ENOX1: variants seen among roughly 807,000 people sequenced by gnomAD.
The protein encoded by ENOX1 is candidate growth-related and time keeping constitutive hydroquinone (NADH) oxidase.
Under a neutral mutation model 82.5 loss-of-function variants are expected in ENOX1, and 42 were observed. That is an observed-to-expected ratio of 0.51 (90% confidence interval 0.40 to 0.66). The LOEUF is 0.66. Ranked by LOEUF, ENOX1 falls within the 30% of genes least tolerant of loss-of-function variation. The probability of loss-of-function intolerance (pLI) is 0.00; values close to 1 mark genes in which losing one functional copy is unlikely to be tolerated. For missense variants in ENOX1, 608 were observed against 811.6 expected, an observed-to-expected ratio of 0.75 and a Z score of 3.05; for synonymous variants, 271 against 282.2, an observed-to-expected ratio of 0.96 and a Z score of 0.40.
At chr13:43,403,949 G>T (rs1306064790) in intron 5 of ENOX1, among the ~76,000 whole-genome samples, 1 of 152,214 alleles carries the variant, frequency 6.6e-6, no homozygotes, top group Non-Finnish European at 1.5e-5. Context: ...AGCATGTGTA[G>T]CGTCTATGGC....
At chr13:43,614,578 T>C (rs1425573610) in intron 2 of ENOX1, among the ~76,000 whole-genome samples, 1 of 147,136 alleles carries the variant, frequency 6.8e-6, no homozygotes, top group African/African-American at 2.5e-5. Flanking sequence ...TTACTTGTGT[T>C]CTCACTTTCT....
At chr13:43,562,619 A>T (rs562742435) in intron 2 of ENOX1, among the ~76,000 whole-genome samples, 1 of 152,104 alleles carries the variant, frequency 6.6e-6, no homozygotes, top group African/African-American at 2.4e-5. Context: ...TAAACAAAAA[A>T]CAAGCCCCAA....
chr13:43,677,100 T>C (rs2085546853), intron 1 of ENOX1, among the ~76,000 whole-genome samples: 1 of 151,902 alleles, frequency 6.6e-6, no homozygotes, highest in South Asian at 2.1e-4. Context: ...TCTGGACACA[T>C]CACTTTCCCA....
rs767736691 is a variant in ENOX1 at position 43,344,708 on chromosome 13, C to G, written c.866G>C (p.Trp289Ser). 5 of 1,614,156 alleles carry G rather than the reference C, an allele frequency of 3.1e-6. No homozygotes were observed. The highest frequency in any genetic ancestry group is 4.2e-6 in the Non-Finnish European group (5 of 1,180,030). The change falls in exon 9 of 17, where the codon TGG (tryptophan) becomes TCG (serine). Residue 289 changes from tryptophan (W) to serine (S), a missense_variant. By Grantham distance (177) the Trp-to-Ser change is radical. Transcript: ENST00000690772. ...FSEAITVLLS[W>S]IERGEVNRRS... is the part of the protein sequence containing the mutation. ...CCGATTCACTTCCCCTCGTTCAATC[C>G]AGGAAAGCAGCACTGTGATAGCCTC...
chr13:43,728,867 C>T (rs967252773), intron 1 of ENOX1, among the ~76,000 whole-genome samples: 7 of 152,178 alleles, frequency 4.6e-5, no homozygotes, highest in Non-Finnish European at 1.0e-4. Context: ...GAAATATTTT[C>T]TCTGAATTAC....
At chr13:43,215,735 G>C (rs554861831) in intron 16 of ENOX1, among the ~76,000 whole-genome samples, 30 of 152,162 alleles carry the variant, frequency 2.0e-4, no homozygotes, top group Admixed American at 3.9e-4. Flanking sequence ...GGTGCTGGGA[G>C]GTCTTTCTCA....
At chr13:43,567,585 T>C (rs1175956449) in intron 2 of ENOX1, among the ~76,000 whole-genome samples, 1 of 152,172 alleles carries the variant, frequency 6.6e-6, no homozygotes, top group African/African-American at 2.4e-5. Context: ...AATTAATTAA[T>C]CTTATATTTA....
At chr13:43,771,286 T>A (rs776986942) in intron 1 of ENOX1, among the ~76,000 whole-genome samples, 5 of 152,016 alleles carry the variant, frequency 3.3e-5, no homozygotes, top group Non-Finnish European at 5.9e-5. Context: ...CTCAGCACTA[T>A]CATATTAGAC....
intron 2 of ENOX1, among the ~76,000 whole-genome samples, chr13:43,589,631 G>A (rs1434416881): frequency 7.4e-5 from 1 of 13,492 alleles, no homozygotes; most frequent in African/African-American, 8.5e-5. Flanking sequence ...CGACCTCCAA[G>A]TAGCCAGACT....
chr13:43,589,636 C>CTGT (rs61251728), intron 2 of ENOX1, among the ~76,000 whole-genome samples: 1 of 152,110 alleles, frequency 6.6e-6, no homozygotes, highest in South Asian at 2.1e-4. Context: ...TCCAAGTAGC[C>CTGT]AGACTATAGG....
Position 43,361,330 on chromosome 13 carries a change from C to T in ENOX1, c.331G>A (p.Val111Ile), listed in dbSNP as rs144233155. ...CTTTTGCAGTGGATTATTTCTTTGA[C>T]AACAGCCACTTCTGTTGGTGGTGGG... is the stretch of plus-strand genomic sequence containing the variant. Reference protein sequence around the residue: ...PPPPPTEVAVVKEIIHCKSCT... With the variant: ...PPPPPTEVAVIKEIIHCKSCT... The change falls in exon 6 of 17, where the codon GTC becomes ATC. Residue 111 changes from valine (V) to isoleucine (I), a missense_variant. By Grantham distance (29) the Val-to-Ile change is conservative (BLOSUM62 3). Transcript: ENST00000690772. The T allele has an allele frequency of 4.0e-5, 64 of 1,614,046 alleles. No individual in the cohort carries two copies. In the African/African-American group the frequency reaches 7.9e-4, roughly 20 times the overall value.
Position 43,213,610 on chromosome 13 carries a change from T to C in ENOX1, c.*380A>G, listed in dbSNP as rs926603115. ...TTCAGGAAAATGTCATTTAATGATT[T>C]CAGCTATACATTACATATACAACTC... On this transcript the variant is annotated 3_prime_UTR_variant, in exon 17 of 17. Coordinates refer to ENST00000690772, the MANE Select transcript of ENOX1 (RefSeq NM_001347969.2). The C allele has an allele frequency of 5.4e-5, 8 of 147,946 alleles. No homozygotes were observed. The highest frequency in any genetic ancestry group is 2.0e-4 in the African/African-American group (8 of 40,398). 9.2% of individuals were successfully genotyped at this position (147,946 alleles called of 1,614,324 possible).
At chr13:43,538,322 G>A (rs1317530162) in intron 2 of ENOX1, among the ~76,000 whole-genome samples, 14 of 152,176 alleles carry the variant, frequency 9.2e-5, no homozygotes, top group Admixed American at 9.2e-4. Context: ...AGGCTAGAAT[G>A]ACCCTAACGT....
intron 2 of ENOX1, among the ~76,000 whole-genome samples, chr13:43,484,733 T>A (rs918312302): frequency 6.6e-6 from 1 of 152,236 alleles, no homozygotes; most frequent in African/African-American, 2.4e-5. Context: ...CATACTAAAT[T>A]AATTCAAATA....
chr13:43,568,990 T>C (rs1450035633), intron 2 of ENOX1, among the ~76,000 whole-genome samples: 1 of 152,128 alleles, frequency 6.6e-6, no homozygotes, highest in East Asian at 1.9e-4. Flanking sequence ...GCAGCATGTG[T>C]AGGTAATCAA....
chr13:43,489,449 A>G (rs954544026), intron 2 of ENOX1, among the ~76,000 whole-genome samples: 2 of 152,192 alleles, frequency 1.3e-5, no homozygotes, highest in South Asian at 2.1e-4. Flanking sequence ...TAGATTTCAA[A>G]GGATGTCTCA....
rs570216834 is a variant in ENOX1 at position 43,659,257 on chromosome 13, G to C, written c.-219+8222C>G. Among the ~76,000 whole-genome samples, 9 of 152,170 alleles carry C rather than the reference G, an allele frequency of 5.9e-5. No homozygotes were observed. The East Asian group carries it at 1.7e-3, about 29-fold the overall frequency. ...TAATCCCAGCATTTTGGGGGGCAGA[G>C]GCAGGTGGATCATTTGAGGCAAGGA... On this transcript the variant is annotated intron_variant, in intron 2 of 16. Transcript: ENST00000690772.
intron 2 of ENOX1, 53 bp downstream of exon 2, chr13:43,667,426 T>A: frequency 1.0e-6 from 1 of 982,052 alleles, no homozygotes. Context: ...TCCCTTCCCA[T>A]ATGGTGACAA....
intron 2 of ENOX1, among the ~76,000 whole-genome samples, chr13:43,583,893 C>A (rs2080861169): frequency 6.6e-6 from 1 of 151,246 alleles, no homozygotes; most frequent in South Asian, 2.1e-4. Flanking sequence ...AAGCACAAAT[C>A]TTTCCATACT....
Sources: gnomAD v4.1 joint callset for allele counts (sites outside exome capture counted in the v4.1 genomes callset) on GRCh38, gnomAD v4.1.1 for gene constraint, MANE v1.5 for transcripts, NCBI Gene and HGNC (gene_info 2026-07-23, HGNC 2026-07-21) for gene names.